The following WIPI2 variants were observed in gnomAD, a reference collection of about 807,000 sequenced individuals.
The protein encoded by WIPI2 is WD repeat domain, phosphoinositide interacting 2, also known as WD repeat domain phosphoinositide-interacting protein 2.
A neutral mutation model predicts 52.3 loss-of-function variants in WIPI2; 28 were observed. The ratio of observed to expected loss-of-function variants is 0.54; its 90% CI spans 0.40 to 0.73. WIPI2 has a LOEUF of 0.73. Among genes scored for constraint, WIPI2 ranks in the 30% least tolerant of loss-of-function variants. The probability of loss-of-function intolerance (pLI) is 0.00; values close to 1 mark genes in which losing one functional copy is unlikely to be tolerated. For missense variants in WIPI2, 506 were observed against 602.9 expected (o/e 0.84, Z 1.68); for synonymous variants, 268 against 245.0 (o/e 1.09, Z -0.88).
At chr7:5,201,465 C>T (rs897864444) in intron 3 of WIPI2, among the ~76,000 whole-genome samples, 8 of 152,148 alleles carry the variant, frequency 5.3e-5, no homozygotes, top group Admixed American at 3.9e-4. Context: ...GGATATTGGC[C>T]GGGCGCAGTG....
chr7:5,212,457 G>A (rs1782604938), intron 3 of WIPI2, among the ~76,000 whole-genome samples: 1 of 152,172 alleles, frequency 6.6e-6, no homozygotes, highest in African/African-American at 2.4e-5. Flanking sequence ...TGCACATCTG[G>A]CTGCCGGATT....
At chr7:5,208,882 T>C (rs1379302466) in intron 3 of WIPI2, among the ~76,000 whole-genome samples, 3 of 152,324 alleles carry the variant, frequency 2.0e-5, no homozygotes, top group African/African-American at 7.2e-5. Context: ...CTGTTGGGAT[T>C]ATGATTAGGA....
intron 2 of WIPI2, among the ~76,000 whole-genome samples, chr7:5,196,401 G>GTA (rs1178913708): frequency 2.0e-5 from 3 of 152,114 alleles, no homozygotes; most frequent in Admixed American, 6.6e-5. Context: ...TCATACTATG[G>GTA]TATATATATC....
In WIPI2 at chr7:5,225,817, C is replaced by T. The variant is rs545136626; in HGVS notation, c.741-6C>T. The T allele has an allele frequency of 1.9e-6, 3 of 1,605,910 alleles. No individual in the cohort carries two copies. The highest frequency in any genetic ancestry group is 2.6e-6 in the Non-Finnish European group (3 of 1,175,572). ...GTGGCCCGCCCCAACCTGTGCGTCT[C>T]CCCAGGTGCGTGAGCATCTGCTCCC... On this transcript the variant is annotated splice_region_variant and splice_polypyrimidine_tract_variant and intron_variant, in intron 8 of 12. Coordinates refer to ENST00000288828, the MANE Select transcript of WIPI2 (RefSeq NM_015610.4).
intron 3 of WIPI2, among the ~76,000 whole-genome samples, chr7:5,204,720 C>T (rs1450217586): frequency 6.6e-6 from 1 of 151,944 alleles, no homozygotes; most frequent in East Asian, 1.9e-4. Context: ...AACACAGGGT[C>T]TCGCTCTGTC....
At chr7:5,220,035 C>G (rs1229969238) in intron 7 of WIPI2, among the ~76,000 whole-genome samples, 1 of 151,966 alleles carries the variant, frequency 6.6e-6, no homozygotes, top group East Asian at 1.9e-4. Context: ...GGGGTTTCAC[C>G]CTGTTGGCCA....
chr7:5,213,002 C>T (rs1012828713), intron 3 of WIPI2: 3 of 152,374 alleles, frequency 2.0e-5, no homozygotes, highest in South Asian at 2.1e-4. Flanking sequence ...GGGTTGGCCT[C>T]GTGTCTGAGT....
chr7:5,228,534 G>T (rs1234533367), intron 11 of WIPI2, among the ~76,000 whole-genome samples: 1 of 152,206 alleles, frequency 6.6e-6, no homozygotes, highest in Admixed American at 6.5e-5. Context: ...CCTCCCCAGG[G>T]TGGAGTTTCG....
chr7:5,230,409 T>C lies in WIPI2; in HGVS notation c.1253-426T>C, dbSNP rs949731555. ...TTAAAAAAGCCAACTCGCACTCCAG[T>C]GGGAGAGCCTGTGGTTTTGCACCCA... On this transcript the variant is annotated intron_variant, in intron 12 of 12. Transcript: ENST00000288828. This position sits in a 1 kb window ranked among gnomAD's most constrained non-coding sequence, Gnocchi z 4.8. Among the ~76,000 whole-genome samples, 9 of 152,304 alleles carry C rather than the reference T, an allele frequency of 5.9e-5. No homozygotes were observed. The highest frequency in any genetic ancestry group is 1.3e-4 in the Admixed American group (2 of 15,300).
chr7:5,209,996 C>G (rs1782476553), intron 3 of WIPI2, among the ~76,000 whole-genome samples: 1 of 152,166 alleles, frequency 6.6e-6, no homozygotes, highest in Non-Finnish European at 1.5e-5. Flanking sequence ...CAACCTCCGT[C>G]TCTCAGGTTC....
In WIPI2 at chr7:5,214,671, C is replaced by A; in HGVS notation, c.348C>A (p.Ser116=). ...KGTEICNYSY[S]NTILAVKLNR... ...CTGAGATCTGCAACTACAGCTACTC[C>A]AACACGATTCTGGCTGTGAAGCTCA... The change falls in exon 4 of 13, where the codon TCC becomes TCA. Residue 116 remains serine, a synonymous_variant. Transcript: ENST00000288828. 6.2e-7 allele frequency: 1 copy of A among 1,614,242 alleles called. No homozygotes were observed. The highest frequency in any genetic ancestry group is 8.5e-7 in the Non-Finnish European group (1 of 1,180,054).
intron 8 of WIPI2, among the ~76,000 whole-genome samples, chr7:5,224,038 G>C (rs1435815913): frequency 6.6e-6 from 1 of 152,194 alleles, no homozygotes; most frequent in African/African-American, 2.4e-5. Context: ...CACCCCACCT[G>C]ACATCTCCCA....
intron 4 of WIPI2, 91 bp from the exon 5 acceptor site, chr7:5,216,472 G>A (rs1276582774): frequency 2.3e-5 from 22 of 973,726 alleles, no homozygotes; most frequent in Non-Finnish European, 2.9e-5. Flanking sequence ...GAATGAGAGC[G>A]TCATAGTCCA....
intron 3 of WIPI2, among the ~76,000 whole-genome samples, chr7:5,212,867 A>G (rs1782625986): frequency 6.6e-6 from 1 of 152,218 alleles, no homozygotes; most frequent in Non-Finnish European, 1.5e-5. Flanking sequence ...GCCGTGACTT[A>G]GTATCCATGT....
At chr7:5,190,541 C>A in intron 1 of WIPI2, 48 bp downstream of exon 1, 3 of 1,429,752 alleles carry the variant, frequency 2.1e-6, no homozygotes, top group Non-Finnish European at 2.8e-6. Flanking sequence ...CAGGGTCGGA[C>A]CCGGGCTAGG....
At chr7:5,218,169 C>G in intron 7 of WIPI2, 155 bp downstream of exon 7, 1 of 711,194 alleles carries the variant, frequency 1.4e-6, no homozygotes, top group Non-Finnish European at 2.4e-6. Context: ...CAGGCGTGTA[C>G]TGCCCGAGAG....
intron 11 of WIPI2, among the ~76,000 whole-genome samples, chr7:5,228,418 T>A (rs1182754306): frequency 6.6e-6 from 1 of 152,250 alleles, no homozygotes; most frequent in Admixed American, 6.5e-5. Context: ...GGGCTGCGGC[T>A]GGTGGCGTCA....
chr7:5,226,927 C>G, intron 9 of WIPI2: 1 of 503,790 alleles, frequency 2.0e-6, no homozygotes, highest in Non-Finnish European at 3.5e-6. Context: ...GGTCAGCTGC[C>G]ACGTCTTGTC....
At chr7:5,198,052 A>G (rs1340580389) in intron 2 of WIPI2, among the ~76,000 whole-genome samples, 3 of 152,234 alleles carry the variant, frequency 2.0e-5, no homozygotes, top group South Asian at 4.1e-4. Flanking sequence ...GCCTCCTCGC[A>G]GAAGCGGGTG....
Sources: allele counts gnomAD v4.1 joint callset (sites outside exome capture counted in the v4.1 genomes callset), GRCh38; gene constraint gnomAD v4.1.1; non-coding constraint Gnocchi (gnomAD v3.1); transcripts MANE v1.5; gene names NCBI Gene and HGNC (gene_info 2026-07-23, HGNC 2026-07-21).